The following ATF7IP2 variants were observed in gnomAD, a reference collection of about 807,000 sequenced individuals.
ATF7IP2 encodes activating transcription factor 7-interacting protein 2.
A neutral mutation model predicts 64.2 loss-of-function variants in ATF7IP2; 42 were observed. The ratio of observed to expected loss-of-function variants is 0.65; its 90% CI spans 0.51 to 0.85. ATF7IP2 has a LOEUF of 0.85. Ranked by LOEUF, ATF7IP2 falls within the 40% of genes least tolerant of loss-of-function variation. The pLI, the probability that ATF7IP2 is intolerant of heterozygous loss-of-function variation, is 0.00. For missense variants in ATF7IP2, 933 were observed against 784.2 expected, an observed-to-expected ratio of 1.19 and a Z score of -2.27; for synonymous variants, 308 against 272.8, an observed-to-expected ratio of 1.13 and a Z score of -1.27.
Position 10,394,343 on chromosome 16 carries a change from A to G in ATF7IP2, c.-242+8221A>G, listed in dbSNP as rs138761627. 3.6e-3 allele frequency among the ~76,000 whole-genome samples: 556 copies of G among 152,368 alleles called. 4 individuals carry two copies. The highest frequency in any genetic ancestry group is 3.2e-3 in the Non-Finnish European group (219 of 68,034). ...AGTTGGTGCCTCAGGCATACAAATC[A>G]TAAACATATATGCACCTACTAAGAG... is the stretch of plus-strand genomic sequence containing the variant. On this transcript the variant is annotated intron_variant, in intron 1 of 13. Transcript: ENST00000562102.
At chr16:10,451,716 TTATC>T (rs375071088) in intron 8 of ATF7IP2, among the ~76,000 whole-genome samples, 166 of 152,016 alleles carry the variant, frequency 1.1e-3, no homozygotes, top group African/African-American at 3.9e-3. Flanking sequence ...ACTTAGCTAT[TTATC>T]TAACCTTTTT....
Position 10,433,616 on chromosome 16 carries a change from A to G in ATF7IP2, c.927A>G (p.Val309=), listed in dbSNP as rs918532933. The part of the protein sequence containing the change: ...TSEQINENIC[V]SLERQTAFLE... The stretch of plus-strand genomic sequence containing the variant: ...AGCAAATTAATGAAAATATTTGTGT[A>G]AGTTTGGAAAGGCAAACAGCATTCC... The change falls in exon 6 of 14, where the codon GTA becomes GTG. Residue 309 remains valine, a synonymous_variant. Coordinates refer to ENST00000562102, the MANE Select transcript of ATF7IP2 (RefSeq NM_001393719.1). 11 of 1,613,788 alleles carry G rather than the reference A, an allele frequency of 6.8e-6. No individual in the cohort carries two copies. The highest frequency in any genetic ancestry group is 6.7e-5 in the Admixed American group (4 of 59,976).
At chr16:10,406,713 T>C (rs1358210922) in intron 1 of ATF7IP2, among the ~76,000 whole-genome samples, 1 of 152,046 alleles carries the variant, frequency 6.6e-6, no homozygotes, top group South Asian at 2.1e-4. Context: ...ATTGAACCAT[T>C]AAGAAATCAA....
chr16:10,441,162 T>C (rs1456523835), intron 8 of ATF7IP2, among the ~76,000 whole-genome samples: 7 of 152,212 alleles, frequency 4.6e-5, no homozygotes, highest in Non-Finnish European at 7.3e-5. Flanking sequence ...GACGGGGATT[T>C]GGGTTGATTC....
intron 8 of ATF7IP2, among the ~76,000 whole-genome samples, chr16:10,456,205 G>A (rs954525302): frequency 3.4e-5 from 5 of 147,454 alleles, no homozygotes; most frequent in Admixed American, 2.7e-4. Flanking sequence ...GAAAAAAAAA[G>A]AGAAAAATTG....
At chr16:10,419,203 A>G (rs957226573) in intron 2 of ATF7IP2, among the ~76,000 whole-genome samples, 14 of 152,232 alleles carry the variant, frequency 9.2e-5, no homozygotes, top group African/African-American at 3.4e-4. Context: ...ACTGTGTCAT[A>G]GAATGATTAC....
chr16:10,447,270 C>T (rs2048840270), intron 8 of ATF7IP2: 1 of 152,240 alleles, frequency 6.6e-6, no homozygotes, highest in Admixed American at 6.5e-5. Flanking sequence ...ATTTGTAGTC[C>T]TTGTCTTCTC....
At chr16:10,466,753 G>A (rs1363739324) in intron 9 of ATF7IP2, among the ~76,000 whole-genome samples, 1 of 151,948 alleles carries the variant, frequency 6.6e-6, no homozygotes, top group Non-Finnish European at 1.5e-5. Context: ...CCCTAATGGT[G>A]TCTTTATATG....
chr16:10,424,086 G>A (rs981269406), intron 3 of ATF7IP2, among the ~76,000 whole-genome samples: 1 of 152,242 alleles, frequency 6.6e-6, no homozygotes, highest in African/African-American at 2.4e-5. Context: ...GATGGGCTCT[G>A]GCTAGTTATC....
chr16:10,464,924 G>C, intron 9 of ATF7IP2, among the ~76,000 whole-genome samples: 1 of 152,168 alleles, frequency 6.6e-6, no homozygotes, highest in East Asian at 1.9e-4. Context: ...TTCCCCTCCT[G>C]GGTTTAGGTG....
chr16:10,405,518 A>C (rs1596447975), intron 1 of ATF7IP2, among the ~76,000 whole-genome samples: 1 of 152,334 alleles, frequency 6.6e-6, no homozygotes, highest in East Asian at 1.9e-4. Flanking sequence ...AACATTCCAC[A>C]GGGGCTTGGG....
chr16:10,436,128 A>C (rs1466705311), intron 6 of ATF7IP2, among the ~76,000 whole-genome samples: 1 of 152,202 alleles, frequency 6.6e-6, no homozygotes, highest in Non-Finnish European at 1.5e-5. Context: ...TGGGAGGCCA[A>C]GTTGGGTGGA....
intron 10 of ATF7IP2, 126 bp from the exon 11 acceptor site, chr16:10,473,353 A>C (rs1365354060): frequency 3.3e-6 from 2 of 608,300 alleles, no homozygotes; most frequent in African/African-American, 3.9e-5. Context: ...AAGTCAATTG[A>C]GTTACTTTTT....
intron 11 of ATF7IP2, 61 bp downstream of exon 11, chr16:10,473,595 T>C: frequency 5.1e-6 from 6 of 1,185,716 alleles, no homozygotes; most frequent in South Asian, 1.3e-5. Context: ...CAAGGAACTT[T>C]AGTGTTTGCT....
At chr16:10,436,807 A>G (rs898153850) in intron 6 of ATF7IP2, among the ~76,000 whole-genome samples, 26 of 152,216 alleles carry the variant, frequency 1.7e-4, no homozygotes, top group African/African-American at 6.3e-4. Context: ...GTGAAAAACT[A>G]CAGTGAATGT....
rs1199599854 is a variant in ATF7IP2 at position 10,428,867 on chromosome 16, G to A, written c.-159-1G>A. The A allele has an allele frequency of 6.8e-6, 1 of 147,998 alleles. No individual in the cohort carries two copies. Among genetic ancestry groups the A allele is most frequent in the African/African-American group, 2.6e-5 (1 of 38,576 alleles). The allele number at this position is 147,998 out of a possible 1,614,324, so 9.2% of individuals were successfully genotyped here. On this transcript the variant is annotated splice_acceptor_variant, in intron 3 of 13. Transcript: ENST00000562102. LOFTEE classifies it low-confidence loss of function (5UTR_SPLICE). ...ATATATTTATTTTCTTTTTTTGATA[G>A]GAATCCTGCTTTTTTTTTTTCTTTG...
At chr16:10,468,040 C>T (rs9930319) in intron 9 of ATF7IP2, among the ~76,000 whole-genome samples, 12,967 of 150,908 alleles carry the variant, frequency 0.086, 1,186 homozygotes, top group African/African-American at 0.22. Context: ...CCACCATGCC[C>T]GACTAATTTT....
At chr16:10,390,610 C>T (rs989000077) in intron 1 of ATF7IP2, among the ~76,000 whole-genome samples, 8 of 151,978 alleles carry the variant, frequency 5.3e-5, no homozygotes, top group African/African-American at 1.9e-4. Context: ...TACACAGGAC[C>T]CTGTCTCTAC....
At chr16:10,469,892 T>TAA (rs34620633) in intron 9 of ATF7IP2, among the ~76,000 whole-genome samples, 2 of 146,984 alleles carry the variant, frequency 1.4e-5, no homozygotes, top group African/African-American at 5.0e-5. Flanking sequence ...ATTGAAAGTT[T>TAA]AAAAAAAAAA....
Sources: allele counts gnomAD v4.1 joint callset (sites outside exome capture counted in the v4.1 genomes callset), GRCh38; gene constraint gnomAD v4.1.1; transcripts MANE v1.5; gene names NCBI Gene and HGNC (gene_info 2026-07-23, HGNC 2026-07-21).